Variants in EIPR1 observed in about 807,000 individuals in gnomAD.
EIPR1 encodes EARP and GARP complex-interacting protein 1.
A neutral mutation model predicts 48.1 loss-of-function variants in EIPR1; 25 were observed. That is an observed-to-expected ratio of 0.52 (90% confidence interval 0.38 to 0.73). The LOEUF is 0.73. EIPR1 is among the 30% of genes least tolerant of loss of function. EIPR1 has a pLI of 0.00. For synonymous variants in EIPR1, 204 were observed against 201.9 expected (o/e 1.01, Z -0.09); for missense variants, 415 against 506.2 (o/e 0.82, Z 1.73).
chr2:3,308,888 T>C (rs1318506286), intron 3 of EIPR1, among the ~76,000 whole-genome samples: 2 of 152,208 alleles, frequency 1.3e-5, no homozygotes, highest in African/African-American at 4.8e-5. Flanking sequence ...TTATATTCAC[T>C]GCAAGTATCC....
intron 3 of EIPR1, among the ~76,000 whole-genome samples, chr2:3,269,258 ACTCAGTCATGG>A (rs1667594663): frequency 3.2e-5 from 3 of 93,130 alleles, no homozygotes; most frequent in Non-Finnish European, 5.0e-5. Context: ...CAGTCATCGC[ACTCAGTCATGG>A]CACTCAGTCA....
chr2:3,317,339 G>A (rs756843246), intron 3 of EIPR1, among the ~76,000 whole-genome samples: 5 of 147,150 alleles, frequency 3.4e-5, no homozygotes, highest in African/African-American at 5.1e-5. Flanking sequence ...TGCCTCGCAC[G>A]CGGGGTGGAG....
chr2:3,344,550 G>A (rs1670344753), intron 2 of EIPR1, among the ~76,000 whole-genome samples: 1 of 151,868 alleles, frequency 6.6e-6, no homozygotes, highest in Admixed American at 6.6e-5. Context: ...TTGTATATCT[G>A]GGCCCCTCTC....
chr2:3,273,539 A>C (rs1161697731), intron 3 of EIPR1, among the ~76,000 whole-genome samples: 5 of 146,776 alleles, frequency 3.4e-5, no homozygotes, highest in South Asian at 4.4e-4. Flanking sequence ...GCAAAAAAAA[A>C]CCCACTTGTT....
At chr2:3,289,608 G>T (rs140640797) in intron 3 of EIPR1, among the ~76,000 whole-genome samples, 22 of 152,218 alleles carry the variant, frequency 1.4e-4, no homozygotes, top group Non-Finnish European at 2.9e-5. Context: ...CTCCCTATGT[G>T]CACCATGTCT....
rs1363877876 is a variant in EIPR1, at chr2:3,340,526, ACT to A, written c.127-2379_127-2378del. 3.9e-5 allele frequency among the ~76,000 whole-genome samples: 6 copies of A among 152,224 alleles called. No homozygotes were observed. In the East Asian group the frequency reaches 5.8e-4, roughly 15 times the overall value. On this transcript the variant is annotated intron_variant, in intron 2 of 8. Transcript: ENST00000382125. ...GTTTTTATAAGTGAAAATTTATTGT[ACT>A]CTTTTTCCTTTCCACACCCAAGGAA...
At chr2:3,283,354 AG>A (rs970202674) in intron 3 of EIPR1, among the ~76,000 whole-genome samples, 2 of 152,188 alleles carry the variant, frequency 1.3e-5, no homozygotes, top group African/African-American at 4.8e-5. Context: ...GAGGCACCCG[AG>A]GGGCTGCGAA....
chr2:3,314,384 G>A (rs1669221595), intron 3 of EIPR1, among the ~76,000 whole-genome samples: 1 of 152,088 alleles, frequency 6.6e-6, no homozygotes, highest in Admixed American at 6.5e-5. Context: ...ATCAATCTTT[G>A]CCACATCATT....
chr2:3,267,005 G>C (rs1335639267), intron 3 of EIPR1, among the ~76,000 whole-genome samples: 1 of 152,192 alleles, frequency 6.6e-6, no homozygotes, highest in Non-Finnish European at 1.5e-5. Flanking sequence ...TTATAGGAGA[G>C]CTGACCATGG....
chr2:3,224,762 A>G lies in EIPR1; in HGVS notation c.417-10514T>C, dbSNP rs576922462. Among the ~76,000 whole-genome samples the G allele has an allele frequency of 1.8e-4, 28 of 152,348 alleles. No homozygotes were observed. The South Asian group carries it at 4.2e-3, about 23-fold the overall frequency. ...AACAGCACTGCACCTACCGAGCTGA[A>G]CATCGGGCTCACCTGAGTCCCTGCT... On this transcript the variant is annotated intron_variant, in intron 4 of 8. Coordinates refer to ENST00000382125, the MANE Select transcript of EIPR1 (RefSeq NM_003310.5).
intron 3 of EIPR1, among the ~76,000 whole-genome samples, chr2:3,261,530 G>A (rs1013930233): frequency 1.3e-5 from 2 of 152,138 alleles, no homozygotes; most frequent in African/African-American, 4.8e-5. Context: ...GTACCCAAAG[G>A]GACCCACGGC....
At chr2:3,273,754 C>T (rs1207831413) in intron 3 of EIPR1, among the ~76,000 whole-genome samples, 1 of 152,166 alleles carries the variant, frequency 6.6e-6, no homozygotes, top group Non-Finnish European at 1.5e-5. Flanking sequence ...GAGGAATGCA[C>T]CCACAGGCCA....
intron 3 of EIPR1, chr2:3,319,135 C>T (rs111778996): frequency 3.1e-5 from 11 of 349,270 alleles, no homozygotes; most frequent in South Asian, 1.8e-4. Flanking sequence ...CACTCTGAGA[C>T]AATAGTTACA....
intron 1 of EIPR1, among the ~76,000 whole-genome samples, chr2:3,369,554 G>A (rs532296332): frequency 3.7e-4 from 57 of 152,338 alleles, no homozygotes; most frequent in African/African-American, 1.3e-3. Flanking sequence ...TTTCCGACGG[G>A]CTTAGGAAAC....
At chr2:3,213,988 T>C (rs1665539791) in intron 5 of EIPR1, among the ~76,000 whole-genome samples, 161 bp downstream of exon 5, 1 of 152,174 alleles carries the variant, frequency 6.6e-6, no homozygotes, top group Non-Finnish European at 1.5e-5. Flanking sequence ...CTCCTAATGC[T>C]ATCCCTCCCG....
At chr2:3,210,179 G>T (rs1431179041) in intron 5 of EIPR1, among the ~76,000 whole-genome samples, 1 of 135,282 alleles carries the variant, frequency 7.4e-6, no homozygotes, top group African/African-American at 2.7e-5. Context: ...TAAAAGAAAA[G>T]AAAAAAAAAA....
At chr2:3,329,320 T>A (rs961067011) in intron 3 of EIPR1, among the ~76,000 whole-genome samples, 3 of 151,422 alleles carry the variant, frequency 2.0e-5, no homozygotes, top group Admixed American at 1.3e-4. Flanking sequence ...CTCCCCTGAA[T>A]CAGAGCCCAC....
At chr2:3,209,544 A>T (rs1050572099) in intron 5 of EIPR1, among the ~76,000 whole-genome samples, 1 of 152,232 alleles carries the variant, frequency 6.6e-6, no homozygotes, top group Non-Finnish European at 1.5e-5. Context: ...CAGCCCCCTG[A>T]GGAGAAAGCA....
intron 2 of EIPR1, among the ~76,000 whole-genome samples, chr2:3,352,929 G>A (rs1328893755): frequency 2.0e-5 from 3 of 152,178 alleles, no homozygotes; most frequent in Admixed American, 6.5e-5. Context: ...CCTGGGAGGC[G>A]GAGGTTGCAG....
Sources: allele counts gnomAD v4.1 joint callset (sites outside exome capture counted in the v4.1 genomes callset), GRCh38; gene constraint gnomAD v4.1.1; transcripts MANE v1.5; gene names NCBI Gene and HGNC (gene_info 2026-07-23, HGNC 2026-07-21).